The following ALK variants were observed in gnomAD, a reference collection of about 807,000 sequenced individuals.
ALK encodes the protein ALK tyrosine kinase receptor.
ALK carries 74 observed loss-of-function variants against 163.1 expected under a neutral mutation model. That is an observed-to-expected ratio of 0.45 (90% confidence interval 0.38 to 0.55). ALK has a LOEUF of 0.55. Among genes scored for constraint, ALK ranks in the 20% least tolerant of loss-of-function variants. The pLI is 0.00. For missense variants in ALK, 2,063 were observed against 2,105.3 expected, an observed-to-expected ratio of 0.98 and a Z score of 0.39; for synonymous variants, 960 against 843.2, an observed-to-expected ratio of 1.14 and a Z score of -2.40.
chr2:29,646,498 T>C (rs1263239722), intron 3 of ALK, among the ~76,000 whole-genome samples: 1 of 152,140 alleles, frequency 6.6e-6, no homozygotes, highest in African/African-American at 2.4e-5. Context: ...AAACCTTCCA[T>C]TTCTCTAAGA....
At chr2:29,285,677 C>T (rs1428787445) in intron 9 of ALK, among the ~76,000 whole-genome samples, 2 of 152,140 alleles carry the variant, frequency 1.3e-5, no homozygotes, top group East Asian at 3.9e-4. Flanking sequence ...ATTCTCCAGC[C>T]TCAGCCTCCC....
chr2:29,861,163 C>G (rs1443625794), intron 1 of ALK, among the ~76,000 whole-genome samples: 1 of 152,052 alleles, frequency 6.6e-6, no homozygotes, highest in Non-Finnish European at 1.5e-5. Flanking sequence ...CAGCACAAGA[C>G]CTTGCCTCAA....
rs556989002 is a variant in ALK at position 29,384,625 on chromosome 2, C to T, written c.1155-766G>A. Among the ~76,000 whole-genome samples, 3 of 148,822 alleles carry T rather than the reference C, an allele frequency of 2.0e-5. No individual in the cohort carries two copies. In the South Asian group the frequency reaches 6.7e-4, roughly 33 times the overall value. On this transcript the variant is annotated intron_variant, in intron 4 of 28. Coordinates refer to ENST00000389048, the MANE Select transcript of ALK (RefSeq NM_004304.5). Reference sequence around the variant, plus strand: ...CTGATTGGACCATCGAATTTACTTTCCAGCATTGATTCATAAATGTCTGCG... The same window carrying T: ...CTGATTGGACCATCGAATTTACTTTTCAGCATTGATTCATAAATGTCTGCG...
At chr2:29,552,435 A>C (rs1403175161) in intron 3 of ALK, among the ~76,000 whole-genome samples, 2 of 152,178 alleles carry the variant, frequency 1.3e-5, no homozygotes, top group East Asian at 3.9e-4. Flanking sequence ...ACTGTTTTCC[A>C]TGGCAACTAC....
intron 4 of ALK, among the ~76,000 whole-genome samples, chr2:29,506,468 G>A (rs1010102228): frequency 1.3e-5 from 2 of 152,136 alleles, no homozygotes; most frequent in Non-Finnish European, 2.9e-5. Flanking sequence ...TTTAGAAGTT[G>A]AGCAGGATTG....
chr2:29,771,574 G>A (rs539101771), intron 1 of ALK, among the ~76,000 whole-genome samples: 19 of 150,690 alleles, frequency 1.3e-4, no homozygotes, highest in Admixed American at 5.3e-4. Context: ...TCACTCTGTC[G>A]CCCAGGCTGG....
intron 5 of ALK, among the ~76,000 whole-genome samples, chr2:29,352,482 C>A (rs1457382811): frequency 6.6e-6 from 1 of 152,218 alleles, no homozygotes; most frequent in Non-Finnish European, 1.5e-5. Context: ...ATGTTCCATG[C>A]CTGCCTTGTG....
At chr2:29,907,308 A>T (rs1667578299) in intron 1 of ALK, 1 of 152,194 alleles carries the variant, frequency 6.6e-6, no homozygotes, top group South Asian at 2.1e-4. Context: ...ATCATAAAAC[A>T]TGTTTCCTCC....
At position 29,841,343 on chromosome 2, in the gene ALK, G is replaced by A. The variant is rs370746002; in HGVS notation, c.667+78650C>T. On this transcript the variant is annotated intron_variant, in intron 1 of 28. Coordinates refer to ENST00000389048, the MANE Select transcript of ALK (RefSeq NM_004304.5). ...AGCTAATTCTAGAAGAGATACTTCC[G>A]GTCAAGACACTGGCTTGTGTTCAGA... 2.3e-4 allele frequency among the ~76,000 whole-genome samples: 35 copies of A among 152,242 alleles called. No homozygotes were observed. In the East Asian group the frequency reaches 3.5e-3, roughly 15 times the overall value.
At chr2:29,739,675 C>A (rs1008448152) in intron 1 of ALK, among the ~76,000 whole-genome samples, 6 of 151,976 alleles carry the variant, frequency 3.9e-5, no homozygotes, top group Non-Finnish European at 5.9e-5. Context: ...TATATTCGAG[C>A]CTCCTTTTTC....
At chr2:29,841,090 G>T (rs1160848654) in intron 1 of ALK, among the ~76,000 whole-genome samples, 1 of 151,904 alleles carries the variant, frequency 6.6e-6, no homozygotes, top group Non-Finnish European at 1.5e-5. Context: ...AATCATATTC[G>T]GCCAGATTTT....
At chr2:29,272,360 C>T (rs554214965) in intron 11 of ALK, among the ~76,000 whole-genome samples, 10 of 152,350 alleles carry the variant, frequency 6.6e-5, no homozygotes, top group Admixed American at 1.3e-4. Flanking sequence ...GCTAAAGTGA[C>T]TCAGAGTCTT....
intron 4 of ALK, among the ~76,000 whole-genome samples, chr2:29,476,963 C>T (rs950098356): frequency 2.0e-5 from 3 of 152,190 alleles, no homozygotes; most frequent in African/African-American, 7.2e-5. Context: ...TGCACCTCGC[C>T]TCACCCTCAT....
intron 4 of ALK, among the ~76,000 whole-genome samples, chr2:29,472,928 G>A (rs4368288): frequency 0.071 from 10,733 of 152,184 alleles, 527 homozygotes; most frequent in Non-Finnish European, 0.11. Context: ...AGAATGTCAG[G>A]TCTCCTCAAA....
At chr2:29,529,447 T>C (rs754909560) in intron 4 of ALK, among the ~76,000 whole-genome samples, 1 of 152,212 alleles carries the variant, frequency 6.6e-6, no homozygotes, top group Non-Finnish European at 1.5e-5. Flanking sequence ...ATCTCTGACA[T>C]TAAACAGAGC....
chr2:29,238,979 C>T (rs1388518244), intron 13 of ALK, among the ~76,000 whole-genome samples: 2 of 152,190 alleles, frequency 1.3e-5, no homozygotes, highest in African/African-American at 2.4e-5. Flanking sequence ...TACATTAGCA[C>T]TCAATAAATT....
intron 3 of ALK, among the ~76,000 whole-genome samples, chr2:29,564,735 G>C (rs551917963): frequency 2.0e-5 from 3 of 152,180 alleles, no homozygotes; most frequent in Non-Finnish European, 4.4e-5. Flanking sequence ...AAGGGAGGGG[G>C]TATCTCAGGT....
intron 3 of ALK, among the ~76,000 whole-genome samples, chr2:29,693,172 G>A (rs527434491): frequency 2.3e-4 from 35 of 152,200 alleles, no homozygotes; most frequent in Non-Finnish European, 4.6e-4. Flanking sequence ...CAGATTCTTC[G>A]GCTTTTTGGT....
At chr2:29,459,607 A>C (rs1345292423) in intron 4 of ALK, among the ~76,000 whole-genome samples, 4 of 152,032 alleles carry the variant, frequency 2.6e-5, no homozygotes, top group African/African-American at 7.2e-5. Flanking sequence ...TTTCTTCCTG[A>C]ATTAAAAACA....
Sources: allele counts gnomAD v4.1 joint callset (sites outside exome capture counted in the v4.1 genomes callset), GRCh38; gene constraint gnomAD v4.1.1; transcripts MANE v1.5; gene names NCBI Gene and HGNC (gene_info 2026-07-23, HGNC 2026-07-21).